Variants in FRMD4A observed in about 807,000 individuals in gnomAD.
FRMD4A encodes FERM domain-containing protein 4A.
Under a neutral mutation model 129.1 loss-of-function variants are expected in FRMD4A, and 29 were observed. The ratio of observed to expected loss-of-function variants is 0.22; its 90% confidence interval spans 0.17 to 0.31. The LOEUF is 0.31. Among genes scored for constraint, FRMD4A ranks in the 10% least tolerant of loss-of-function variants. The pLI, the probability that FRMD4A is intolerant of heterozygous loss-of-function variation, is 1.00. For missense variants in FRMD4A, 1,272 were observed against 1,375.8 expected, an observed-to-expected ratio of 0.92 and a Z score of 1.19; for synonymous variants, 634 against 571.6, an observed-to-expected ratio of 1.11 and a Z score of -1.56.
At chr10:13,680,802 T>C (rs964462465) in intron 15 of FRMD4A, among the ~76,000 whole-genome samples, 16 of 151,764 alleles carry the variant, frequency 1.1e-4, no homozygotes, top group African/African-American at 3.6e-4. Flanking sequence ...ATACTAGCAC[T>C]CTGGGAGGCT....
At chr10:13,874,466 A>C (rs147422686) in intron 2 of FRMD4A, among the ~76,000 whole-genome samples, 2 of 152,250 alleles carry the variant, frequency 1.3e-5, no homozygotes, top group African/African-American at 4.8e-5. Flanking sequence ...CAAAAAGGAA[A>C]AAACTATGGA....
At chr10:13,963,417 GC>G (rs1431571640) in intron 2 of FRMD4A, among the ~76,000 whole-genome samples, 1 of 151,992 alleles carries the variant, frequency 6.6e-6, no homozygotes, top group Non-Finnish European at 1.5e-5. Context: ...AAGGGGAACA[GC>G]AAAAATAGCA....
At chr10:14,096,826 T>C (rs1282013811) in intron 2 of FRMD4A, among the ~76,000 whole-genome samples, 4 of 152,130 alleles carry the variant, frequency 2.6e-5, no homozygotes, top group African/African-American at 9.7e-5. Context: ...TTACATCTTA[T>C]TCATTCACTA....
chr10:13,776,661 T>C (rs1306012150), intron 6 of FRMD4A, among the ~76,000 whole-genome samples: 1 of 152,184 alleles, frequency 6.6e-6, no homozygotes, highest in African/African-American at 2.4e-5. Context: ...GTGAATGAAA[T>C]TGAACTTTGA....
At chr10:14,229,823 C>T (rs1331385373) in intron 2 of FRMD4A, among the ~76,000 whole-genome samples, 3 of 152,178 alleles carry the variant, frequency 2.0e-5, no homozygotes, top group Non-Finnish European at 4.4e-5. Context: ...AATTCTGACT[C>T]CCTAGAGCTA....
chr10:14,225,421 C>T (rs757087693), intron 2 of FRMD4A, among the ~76,000 whole-genome samples: 3 of 152,162 alleles, frequency 2.0e-5, no homozygotes, highest in Non-Finnish European at 4.4e-5. Context: ...TCAATCTGAT[C>T]GAAGAGATTA....
At chr10:14,034,962 T>G (rs1833426941) in intron 2 of FRMD4A, among the ~76,000 whole-genome samples, 1 of 152,208 alleles carries the variant, frequency 6.6e-6, no homozygotes, top group Non-Finnish European at 1.5e-5. Flanking sequence ...TCAGTCTCCC[T>G]GGGTTCAGTT....
At chr10:14,212,034 C>A (rs925538395) in intron 2 of FRMD4A, among the ~76,000 whole-genome samples, 1 of 152,080 alleles carries the variant, frequency 6.6e-6, no homozygotes, top group African/African-American at 2.4e-5. Context: ...ACAGACATCC[C>A]CTGTGATCCT....
intron 2 of FRMD4A, among the ~76,000 whole-genome samples, chr10:13,952,190 A>G (rs556340077): frequency 3.5e-4 from 53 of 149,516 alleles, no homozygotes; most frequent in Middle Eastern, 6.9e-3. Context: ...TATTTTTATT[A>G]TTATTATTTT....
chr10:14,072,422 T>G (rs1283432776), intron 2 of FRMD4A, among the ~76,000 whole-genome samples: 1 of 152,240 alleles, frequency 6.6e-6, no homozygotes, highest in Non-Finnish European at 1.5e-5. Flanking sequence ...CCTTCTACTT[T>G]ATAAACATTA....
At chr10:14,000,580 G>A (rs2095638341) in intron 2 of FRMD4A, among the ~76,000 whole-genome samples, 1 of 130,470 alleles carries the variant, frequency 7.7e-6, no homozygotes, top group Non-Finnish European at 1.5e-5. Flanking sequence ...CCAGGAAGAG[G>A]AGGTTGCAGT....
chr10:13,817,005 C>T (rs921289182), intron 3 of FRMD4A, among the ~76,000 whole-genome samples: 1 of 152,230 alleles, frequency 6.6e-6, no homozygotes, highest in African/African-American at 2.4e-5. Context: ...TAGTTTCTCT[C>T]TTTTCTTTTT....
chr10:14,318,214 C>T (rs1324767504), intron 2 of FRMD4A, among the ~76,000 whole-genome samples: 2 of 151,956 alleles, frequency 1.3e-5, no homozygotes, highest in Admixed American at 1.3e-4. Context: ...GTCTCCTGTT[C>T]ATTAATCCCT....
At chr10:14,210,917 T>C (rs946733506) in intron 2 of FRMD4A, among the ~76,000 whole-genome samples, 21 of 152,116 alleles carry the variant, frequency 1.4e-4, no homozygotes, top group Admixed American at 3.9e-4. Context: ...TTAGTAGAGA[T>C]GGTGTTTCAC....
At chr10:14,093,796 T>A (rs1836789736) in intron 2 of FRMD4A, among the ~76,000 whole-genome samples, 2 of 152,208 alleles carry the variant, frequency 1.3e-5, no homozygotes. Context: ...CCATGACTCT[T>A]AGAAGGAAGT....
At position 13,972,000 on chromosome 10, in the gene FRMD4A, T is replaced by A. The variant is rs2095521451; in HGVS notation, c.46-113088A>T. On this transcript the variant is annotated intron_variant, in intron 2 of 24. Coordinates refer to ENST00000357447, the MANE Select transcript of FRMD4A (RefSeq NM_018027.5). ...CCTCACTAATCCTCAGAGACTGCTT[T>A]CCTTCAAGGATAAGCAAAAGGCTCT... is the stretch of plus-strand genomic sequence containing the variant. 5.9e-6 allele frequency: 7 copies of A among 1,180,528 alleles called. No individual in the cohort carries two copies. In the South Asian group the frequency reaches 6.5e-5, roughly 11 times the overall value. The allele number at this position is 1,180,528 out of a possible 1,614,324, so 73.1% of individuals were successfully genotyped here.
At chr10:13,843,391 T>G (rs1027106910) in intron 3 of FRMD4A, among the ~76,000 whole-genome samples, 2 of 152,192 alleles carry the variant, frequency 1.3e-5, no homozygotes, top group Non-Finnish European at 2.9e-5. Context: ...GGGAATAATA[T>G]GGACCAGCTG....
intron 2 of FRMD4A, among the ~76,000 whole-genome samples, chr10:13,931,099 C>T (rs1370691325): frequency 6.6e-6 from 1 of 152,126 alleles, no homozygotes; most frequent in African/African-American, 2.4e-5. Context: ...CCTCCCAAAG[C>T]CTTTGGCCTA....
intron 2 of FRMD4A, among the ~76,000 whole-genome samples, chr10:14,320,165 C>T (rs1324031180): frequency 1.3e-5 from 2 of 152,182 alleles, no homozygotes; most frequent in African/African-American, 2.4e-5. Context: ...ACCCTGCCTT[C>T]CACCACTAGA....
Sources: allele counts gnomAD v4.1 joint callset (sites outside exome capture counted in the v4.1 genomes callset), GRCh38; gene constraint gnomAD v4.1.1; transcripts MANE v1.5; gene names NCBI Gene and HGNC (gene_info 2026-07-23, HGNC 2026-07-21).